MMS22L: variants seen among roughly 807,000 people sequenced by gnomAD.
MMS22L encodes protein MMS22-like.
In MMS22L, 74 loss-of-function variants were observed where a neutral mutation model predicts 159.1. The observed-to-expected ratio is 0.47, with a 90% CI of 0.39 to 0.56. The LOEUF (loss-of-function observed/expected upper bound fraction) is 0.56. Ranked by LOEUF, MMS22L falls within the 20% of genes least tolerant of loss-of-function variation. The pLI is 0.00. For missense variants in MMS22L, 1,351 were observed against 1,422.1 expected (o/e 0.95, Z 0.80); for synonymous variants, 517 against 506.9 (o/e 1.02, Z -0.27).
chr6:97,179,597 A>G, intron 16 of MMS22L, 38 bp from the exon 17 acceptor site: 1 of 1,567,554 alleles, frequency 6.4e-7, no homozygotes, highest in Non-Finnish European at 8.6e-7. Flanking sequence ...TAAAACAAAA[A>G]CGTTTCCTGA....
At position 97,165,369 on chromosome 6, in the gene MMS22L, C is replaced by T. The variant is rs1345892595; in HGVS notation, c.3098G>A (p.Arg1033Gln). Residue 1033 changes from arginine (R) to glutamine (Q), a missense_variant, in exon 21 of 25, where the codon CGA becomes CAA. Arg to Gln is a conservative substitution (Grantham distance 43, BLOSUM62 1). Transcript: ENST00000683635. ...LGNVIEQYIG[R>Q]FLPASPYVSD... ...AACATATGGTGAAGCTGGAAGAAAT[C>T]GCCCAATATACTGCTCAATAACATT... 3 of 1,613,298 alleles carry T rather than the reference C, an allele frequency of 1.9e-6. No homozygotes were observed. Among genetic ancestry groups the T allele is most frequent in the East Asian group, 4.5e-5 (2 of 44,832 alleles).
At chr6:97,283,850 A>G (rs533229660), upstream of MMS22L, among the ~76,000 whole-genome samples, 1 of 152,374 alleles carries the variant, frequency 6.6e-6, no homozygotes, top group East Asian at 1.9e-4. Context: ...TACAAAGTGT[A>G]TAGTCTGATC....
intron 16 of MMS22L, 52 bp from the exon 17 acceptor site, chr6:97,179,611 T>C (rs1214313009): frequency 2.9e-5 from 44 of 1,513,634 alleles, no homozygotes; most frequent in Non-Finnish European, 3.6e-5. Flanking sequence ...TTCCTGAGTA[T>C]AGAGATTAAG....
intron 19 of MMS22L, 30 bp from the exon 20 acceptor site, chr6:97,168,270 G>A: frequency 6.2e-7 from 1 of 1,604,674 alleles, no homozygotes; most frequent in South Asian, 1.1e-5. Flanking sequence ...ACAGCATGTT[G>A]TTGTTATCCT....
chr6:97,198,483 G>A (rs1439892013), intron 14 of MMS22L, among the ~76,000 whole-genome samples: 1 of 152,134 alleles, frequency 6.6e-6, no homozygotes, highest in African/African-American at 2.4e-5. Flanking sequence ...GATTGCTGTT[G>A]TGGTGTTTTA....
rs566424706 is a variant in MMS22L, at chr6:97,175,800, T to C, written c.2680-2578A>G. On this transcript the variant is annotated intron_variant, in intron 18 of 24. Transcript: ENST00000683635. ...TTTCTTGAAAGCTTGAATTATATTA[T>C]TAGCAACAAATACTGTCAGTTGTTT... Among the ~76,000 whole-genome samples, 94 of 152,332 alleles carry C rather than the reference T, an allele frequency of 6.2e-4. 1 individual carries two copies. Among genetic ancestry groups the C allele is most frequent in the African/African-American group, 2.2e-3 (92 of 41,586 alleles).
At chr6:97,220,334 TCTA>T (rs1340981226) in intron 14 of MMS22L, among the ~76,000 whole-genome samples, 1 of 152,202 alleles carries the variant, frequency 6.6e-6, no homozygotes, top group Admixed American at 6.5e-5. Flanking sequence ...TGTGAAATTT[TCTA>T]CTGTGTCTAT....
chr6:97,225,665 C>A (rs1466734970), intron 14 of MMS22L, among the ~76,000 whole-genome samples: 1 of 151,952 alleles, frequency 6.6e-6, no homozygotes, highest in African/African-American at 2.4e-5. Context: ...CTCCGCCTCC[C>A]GGGTTCAGGC....
At chr6:97,260,527 C>T (rs36106471) in intron 9 of MMS22L, 5,576 of 152,242 alleles carry the variant, frequency 0.037, 114 homozygotes, top group Middle Eastern at 0.068. Flanking sequence ...CATCCATCCC[C>T]GGTTTTCTGT....
Position 97,272,709 on chromosome 6 carries a change from T to C in MMS22L, c.601A>G (p.Ile201Val). 1 of 1,607,624 alleles carries C rather than the reference T, an allele frequency of 6.2e-7. No homozygotes were observed. Among genetic ancestry groups the C allele is most frequent in the Non-Finnish European group, 8.5e-7 (1 of 1,177,808 alleles). ...NIGAFVNQNQ[I>V]KLFPPSWHLL... ...TCAAATGAAACAAGTCAAACCTTAA[T>C]CTGGTTTTGATTTACAAATGCTCCT... Residue 201 changes from isoleucine to valine, a missense_variant, in exon 6 of 25, where the codon ATT becomes GTT. Physicochemically the swap from Ile to Val is conservative, Grantham distance 29 (BLOSUM62 3). Transcript: ENST00000683635.
intron 22 of MMS22L, among the ~76,000 whole-genome samples, chr6:97,153,364 CTTTTTTTTTTTTTTTTTT>C (rs59258093): frequency 2.6e-5 from 2 of 78,110 alleles, no homozygotes; most frequent in East Asian, 6.8e-4. Context: ...CTCTACAGAT[CTTTTTTTTTTTTTTTTTT>C]TTTTTTTGAG....
At chr6:97,159,025 C>T (rs1292690975) in intron 22 of MMS22L, among the ~76,000 whole-genome samples, 1 of 152,012 alleles carries the variant, frequency 6.6e-6, no homozygotes, top group Non-Finnish European at 1.5e-5. Context: ...GGACAGTTAG[C>T]TCTTCTTGTT....
rs1167446221 is a variant in MMS22L at position 97,215,091 on chromosome 6, A to AATATATATAT, written c.2039+13793_2039+13802dup. Reference sequence around the variant, plus strand: ...TTTTTTCACAATTAATCATGTTTTAAATATATATATATATATATATATATT... The same window carrying AATATATATAT: ...TTTTTTCACAATTAATCATGTTTTAAATATATATATATATATATATATATATATATATATT... On this transcript the variant is annotated intron_variant, in intron 14 of 24. Transcript: ENST00000683635. Among the ~76,000 whole-genome samples the AATATATATAT allele has an allele frequency of 1.6e-3, 233 of 141,254 alleles. 1 individual carries two copies. The highest frequency in any genetic ancestry group is 5.8e-3 in the African/African-American group (219 of 38,064). The allele number at this position is 141,254 out of a possible 152,430, so 92.7% of individuals were successfully genotyped here.
At chr6:97,182,979 T>A (rs376461657) in intron 15 of MMS22L, among the ~76,000 whole-genome samples, 1 of 152,102 alleles carries the variant, frequency 6.6e-6, no homozygotes, top group Non-Finnish European at 1.5e-5. Context: ...TTTTCTCCAG[T>A]GTCATGGACT....
At chr6:97,249,297 G>C (rs1812992758) in intron 10 of MMS22L, among the ~76,000 whole-genome samples, 1 of 152,188 alleles carries the variant, frequency 6.6e-6, no homozygotes. Context: ...GGTACTTCTG[G>C]ACTCTGGCCT....
At chr6:97,162,659 T>G (rs1802566679) in intron 21 of MMS22L, among the ~76,000 whole-genome samples, 1 of 151,988 alleles carries the variant, frequency 6.6e-6, no homozygotes, top group Admixed American at 6.6e-5. Flanking sequence ...ACACTCAAGC[T>G]TTATCTCCTT....
intron 21 of MMS22L, 74 bp from the exon 22 acceptor site, chr6:97,162,239 A>C (rs1802524615): frequency 1.5e-6 from 2 of 1,351,754 alleles, no homozygotes; most frequent in Non-Finnish European, 2.0e-6. Flanking sequence ...ATATAATTTA[A>C]AGATATTGGC....
chr6:97,244,781 T>C (rs1297922453), intron 11 of MMS22L, among the ~76,000 whole-genome samples: 1 of 152,100 alleles, frequency 6.6e-6, no homozygotes, highest in African/African-American at 2.4e-5. Flanking sequence ...GTTCTGTCCC[T>C]CTAGAGAACC....
intron 9 of MMS22L, among the ~76,000 whole-genome samples, chr6:97,255,121 TG>T (rs1813662120): frequency 6.6e-6 from 1 of 152,122 alleles, no homozygotes; most frequent in Non-Finnish European, 1.5e-5. Context: ...CTTGCTTCTT[TG>T]GTCAATGCTG....
Sources: allele counts gnomAD v4.1 joint callset (sites outside exome capture counted in the v4.1 genomes callset), GRCh38; gene constraint gnomAD v4.1.1; transcripts MANE v1.5; gene names NCBI Gene and HGNC (gene_info 2026-07-23, HGNC 2026-07-21).